NFIB: variants seen among roughly 807,000 people sequenced by gnomAD.
The protein encoded by NFIB is nuclear factor 1 B-type.
A neutral mutation model predicts 61.5 loss-of-function variants in NFIB; 11 were observed. The observed-to-expected ratio is 0.18, with a 90% CI of 0.11 to 0.30. NFIB has a LOEUF of 0.30. Among genes scored for constraint, NFIB ranks in the 10% least tolerant of loss-of-function variants. NFIB has a pLI of 1.00. For missense variants in NFIB, 471 were observed against 608.9 expected (o/e 0.77, Z 2.38); for synonymous variants, 260 against 216.5 (o/e 1.20, Z -1.76).
chr9:14,192,897 T>G (rs549074676), intron 2 of NFIB, among the ~76,000 whole-genome samples: 21 of 152,240 alleles, frequency 1.4e-4, no homozygotes, highest in African/African-American at 5.1e-4. Context: ...TACATTTGTT[T>G]TTTTGAATTT....
At chr9:14,299,929 C>A (rs2059659892) in intron 2 of NFIB, among the ~76,000 whole-genome samples, 1 of 152,162 alleles carries the variant, frequency 6.6e-6, no homozygotes, top group Non-Finnish European at 1.5e-5. Flanking sequence ...GCCATTTCTT[C>A]CAATTTTCTG....
At chr9:14,371,350 A>G (rs2132971805) in intron 1 of NFIB, among the ~76,000 whole-genome samples, 1 of 152,324 alleles carries the variant, frequency 6.6e-6, no homozygotes, top group South Asian at 2.1e-4. Flanking sequence ...CCTTCTTCTT[A>G]GGGTAGGCAG....
the NFIB span, among the ~76,000 whole-genome samples, chr9:14,517,181 A>C: frequency 6.6e-6 from 1 of 152,336 alleles, no homozygotes; most frequent in African/African-American, 2.4e-5. Context: ...GTTCCATTAC[A>C]AAGTAATCAT....
chr9:14,343,623 A>G (rs962749231), intron 1 of NFIB, among the ~76,000 whole-genome samples: 34 of 152,176 alleles, frequency 2.2e-4, no homozygotes, highest in African/African-American at 8.2e-4. Flanking sequence ...TTCACTTTAT[A>G]AAGAAAAGCA....
chr9:14,104,816 T>C (rs952303000), intron 10 of NFIB, among the ~76,000 whole-genome samples: 5 of 152,138 alleles, frequency 3.3e-5, no homozygotes, highest in African/African-American at 9.7e-5. Flanking sequence ...AATGCTAGTT[T>C]TGAATCAAAC....
At chr9:14,482,999 T>C in the NFIB span, among the ~76,000 whole-genome samples, 15 of 152,104 alleles carry the variant, frequency 9.9e-5, no homozygotes, top group Admixed American at 6.5e-4. Flanking sequence ...CGAATAAAAA[T>C]AAAACCCATT....
At chr9:14,219,273 T>C (rs1172090656) in intron 2 of NFIB, among the ~76,000 whole-genome samples, 1 of 148,920 alleles carries the variant, frequency 6.7e-6, no homozygotes, top group Non-Finnish European at 1.5e-5. Flanking sequence ...AAATCTAAGA[T>C]GCAGATAAAT....
At chr9:14,126,410 T>A (rs2039648962) in intron 6 of NFIB, among the ~76,000 whole-genome samples, 1 of 152,158 alleles carries the variant, frequency 6.6e-6, no homozygotes, top group Non-Finnish European at 1.5e-5. Context: ...AGGTACAATG[T>A]GTGTTGAGAG....
intron 2 of NFIB, among the ~76,000 whole-genome samples, chr9:14,299,309 T>G (rs1157636040): frequency 1.3e-5 from 2 of 152,204 alleles, no homozygotes; most frequent in African/African-American, 4.8e-5. Flanking sequence ...TCATCTTCAT[T>G]CAGCATGAGA....
intron 2 of NFIB, among the ~76,000 whole-genome samples, chr9:14,234,010 G>A (rs139275719): frequency 6.6e-6 from 1 of 152,168 alleles, no homozygotes; most frequent in Non-Finnish European, 1.5e-5. Flanking sequence ...AGCAAAACAG[G>A]AGTCAAGGGC....
intron 3 of NFIB, among the ~76,000 whole-genome samples, chr9:14,163,532 A>G (rs979337127): frequency 2.9e-4 from 44 of 152,014 alleles, no homozygotes; most frequent in African/African-American, 1.0e-3. Flanking sequence ...GCTGAATTAC[A>G]ACAAAGATAA....
At chr9:14,176,614 G>A (rs1208152827) in intron 3 of NFIB, among the ~76,000 whole-genome samples, 1 of 152,034 alleles carries the variant, frequency 6.6e-6, no homozygotes, top group Non-Finnish European at 1.5e-5. Context: ...AAAATGCGTT[G>A]CCTTTGCTGC....
At chr9:14,258,781 G>C (rs2056469164) in intron 2 of NFIB, among the ~76,000 whole-genome samples, 2 of 152,148 alleles carry the variant, frequency 1.3e-5, no homozygotes, top group South Asian at 4.1e-4. Context: ...CCTTTTTAAA[G>C]CATGTTGCAT....
At chr9:14,424,984 CT>C in the NFIB span, among the ~76,000 whole-genome samples, 15 of 152,234 alleles carry the variant, frequency 9.9e-5, no homozygotes, top group African/African-American at 2.9e-4. Context: ...ATCTCCCCCC[CT>C]GGGCCTTTGC....
At chr9:14,201,984 G>A (rs2049088194) in intron 2 of NFIB, among the ~76,000 whole-genome samples, 1 of 152,082 alleles carries the variant, frequency 6.6e-6, no homozygotes, top group African/African-American at 2.4e-5. Flanking sequence ...AAGATGATTT[G>A]TTCTTGTCTT....
the NFIB span, among the ~76,000 whole-genome samples, chr9:14,455,343 A>C: frequency 6.6e-6 from 1 of 152,216 alleles, no homozygotes; most frequent in East Asian, 1.9e-4. Flanking sequence ...AAAGTCATGC[A>C]TTATTTACTA....
chr9:14,452,608 G>A, the NFIB span, among the ~76,000 whole-genome samples: 2 of 152,178 alleles, frequency 1.3e-5, no homozygotes, highest in African/African-American at 2.4e-5. Context: ...CAGGTCATCT[G>A]TCAGAATATA....
chr9:14,410,701 C>T, the NFIB span, among the ~76,000 whole-genome samples: 1 of 152,158 alleles, frequency 6.6e-6, no homozygotes, highest in African/African-American at 2.4e-5. Context: ...CTCCTGGGAG[C>T]ATCATACTCC....
chr9:14,141,902 CAAAAAAAAAAAAA>C (rs1207435536), intron 6 of NFIB, among the ~76,000 whole-genome samples: 1 of 53,608 alleles, frequency 1.9e-5, no homozygotes, highest in South Asian at 6.7e-4. Flanking sequence ...CTGCTGCTCA[CAAAAAAAAAAAAA>C]AAAAAAAAAA....
Sources: gnomAD v4.1 joint callset for allele counts (sites outside exome capture counted in the v4.1 genomes callset) on GRCh38, gnomAD v4.1.1 for gene constraint, MANE v1.5 for transcripts, NCBI Gene and HGNC (gene_info 2026-07-23, HGNC 2026-07-21) for gene names.